Variants in NPAS3 observed in about 807,000 individuals in gnomAD.
The protein encoded by NPAS3 is neuronal PAS domain protein 3, also known as neuronal PAS domain-containing protein 3.
In NPAS3, 14 loss-of-function variants were observed where a neutral mutation model predicts 73.1. That is an observed-to-expected ratio of 0.19 (90% CI 0.13 to 0.30). The LOEUF is 0.30. Among genes scored for constraint, NPAS3 ranks in the 10% least tolerant of loss-of-function variants. The pLI, the probability that NPAS3 is intolerant of heterozygous loss-of-function variation, is 1.00. For synonymous variants in NPAS3, 620 were observed against 541.5 expected, an observed-to-expected ratio of 1.14 and a Z score of -2.01; for missense variants, 1,096 against 1,250.0, an observed-to-expected ratio of 0.88 and a Z score of 1.86.
intron 3 of NPAS3, among the ~76,000 whole-genome samples, chr14:33,358,555 G>T (rs950102985): frequency 9.2e-5 from 14 of 152,108 alleles, no homozygotes; most frequent in Non-Finnish European, 1.8e-4. Flanking sequence ...TCCGGTTCTG[G>T]TTCTGGCAGT....
At chr14:33,675,226 T>C (rs925136304) in intron 5 of NPAS3, among the ~76,000 whole-genome samples, 1 of 152,122 alleles carries the variant, frequency 6.6e-6, no homozygotes, top group African/African-American at 2.4e-5. Context: ...CTGTTGTATG[T>C]GCATGTAATG....
At chr14:33,759,806 G>A (rs773781894) in intron 7 of NPAS3, among the ~76,000 whole-genome samples, 2 of 152,118 alleles carry the variant, frequency 1.3e-5, no homozygotes, top group African/African-American at 2.4e-5. Context: ...CCTTTTAGAC[G>A]TGGATTAAAA....
In NPAS3 at chr14:33,252,380, C is replaced by T. The variant is rs79684974; in HGVS notation, c.385+36954C>T. ...GGGTAGATGTCTTCTCTAGGTTTGA[C>T]TGGTTTGTGTCTATTCATATGTGTG... On this transcript the variant is annotated intron_variant, in intron 3 of 11. Transcript: ENST00000356141. Among the ~76,000 whole-genome samples, 14 of 151,950 alleles carry T rather than the reference C, an allele frequency of 9.2e-5. No homozygotes were observed. In the East Asian group the frequency reaches 2.7e-3, roughly 29 times the overall value.
Position 33,178,070 on chromosome 14 carries a change from A to ATTTTTTTTTTTTTTTTTT in NPAS3, c.141-37104_141-37103insTTTTTTTTTTTTTTTTTT, listed in dbSNP as rs780708461. On this transcript the variant is annotated intron_variant, in intron 2 of 11. Transcript: ENST00000356141. ...GGAATTTTGATAGGCATTGAAGTGA[A>ATTTTTTTTTTTTTTTTTT]TTTTTTTTGTTTTTTTTTTTTTGGA... Among the ~76,000 whole-genome samples the ATTTTTTTTTTTTTTTTTT allele has an allele frequency of 3.2e-5, 4 of 123,868 alleles. 2 individuals are homozygous for ATTTTTTTTTTTTTTTTTT. Among genetic ancestry groups the ATTTTTTTTTTTTTTTTTT allele is most frequent in the Non-Finnish European group, 3.3e-5 (2 of 60,560 alleles). The allele number at this position is 123,868 out of a possible 152,430, so 81.3% of individuals were successfully genotyped here.
intron 2 of NPAS3, among the ~76,000 whole-genome samples, chr14:33,123,394 G>T (rs1877361433): frequency 6.6e-6 from 1 of 152,082 alleles, no homozygotes; most frequent in Non-Finnish European, 1.5e-5. Context: ...ACTTGACTAG[G>T]AGTTGGGGTG....
intron 5 of NPAS3, among the ~76,000 whole-genome samples, chr14:33,607,113 C>T (rs1430650840): frequency 6.6e-6 from 1 of 152,066 alleles, no homozygotes; most frequent in Non-Finnish European, 1.5e-5. Flanking sequence ...AATAGTTTAG[C>T]AATTTTCTTA....
intron 4 of NPAS3, among the ~76,000 whole-genome samples, chr14:33,469,713 C>G (rs1207247243): frequency 2.6e-5 from 4 of 152,070 alleles, no homozygotes; most frequent in Admixed American, 2.6e-4. Flanking sequence ...CATTCCTGTT[C>G]TGAACACTCT....
chr14:33,476,019 C>G (rs17101325), intron 4 of NPAS3, among the ~76,000 whole-genome samples: 25,646 of 152,162 alleles, frequency 0.17, 2,382 homozygotes, highest in African/African-American at 0.24. Context: ...TGCGCTTTCC[C>G]TGGTGAAGAA....
chr14:33,661,752 T>C (rs769007492), intron 5 of NPAS3, among the ~76,000 whole-genome samples: 1 of 152,248 alleles, frequency 6.6e-6, no homozygotes, highest in South Asian at 2.1e-4. Flanking sequence ...TTATTACATA[T>C]TCATTTTCAA....
chr14:33,054,961 A>T lies in NPAS3; in HGVS notation c.51-944A>T, dbSNP rs113801193. Reference sequence around the variant, plus strand: ...ATGATCCATCACATGTTTTTAATTAATAATTAAGAAGATATTAAGTATCTA... The same window carrying T: ...ATGATCCATCACATGTTTTTAATTATTAATTAAGAAGATATTAAGTATCTA... On this transcript the variant is annotated intron_variant, in intron 1 of 11. Transcript: ENST00000356141. Among the ~76,000 whole-genome samples, 107 of 152,216 alleles carry T rather than the reference A, an allele frequency of 7.0e-4. 1 individual carries two copies. The highest frequency in any genetic ancestry group is 2.4e-3 in the African/African-American group (101 of 41,516).
intron 7 of NPAS3, among the ~76,000 whole-genome samples, chr14:33,736,664 A>G (rs1239611095): frequency 5.9e-5 from 9 of 152,168 alleles, no homozygotes; most frequent in African/African-American, 2.2e-4. Flanking sequence ...TTAATGCTAG[A>G]AAGACACATT....
chr14:32,966,463 T>C (rs1595108505), intron 1 of NPAS3, among the ~76,000 whole-genome samples: 1 of 152,254 alleles, frequency 6.6e-6, no homozygotes, highest in East Asian at 1.9e-4. Flanking sequence ...GACAATCTCT[T>C]CAGGAAATGG....
At chr14:33,234,990 G>A (rs1398088743) in intron 3 of NPAS3, among the ~76,000 whole-genome samples, 1 of 151,932 alleles carries the variant, frequency 6.6e-6, no homozygotes. Flanking sequence ...CATTTAAATT[G>A]TATGTTACAA....
At chr14:33,566,420 G>A (rs1333201816) in intron 5 of NPAS3, among the ~76,000 whole-genome samples, 12 of 152,094 alleles carry the variant, frequency 7.9e-5, no homozygotes, top group Admixed American at 7.9e-4. Context: ...GTTCGATCCA[G>A]ATATTGAACT....
intron 1 of NPAS3, among the ~76,000 whole-genome samples, chr14:33,032,063 A>G (rs1245859586): frequency 6.6e-6 from 1 of 152,254 alleles, no homozygotes; most frequent in African/African-American, 2.4e-5. Context: ...GAAGGAGACT[A>G]TGATAAAGTC....
chr14:33,580,942 A>G (rs1242681731), intron 5 of NPAS3, among the ~76,000 whole-genome samples: 1 of 152,192 alleles, frequency 6.6e-6, no homozygotes, highest in Non-Finnish European at 1.5e-5. Context: ...TCTAAACCCA[A>G]GTATTCATCC....
intron 11 of NPAS3, among the ~76,000 whole-genome samples, chr14:33,799,088 T>G (rs896305165): frequency 6.6e-6 from 1 of 151,710 alleles, no homozygotes; most frequent in Non-Finnish European, 1.5e-5. Context: ...AAGGTTGCAG[T>G]GAGCAGTGAC....
intron 4 of NPAS3, among the ~76,000 whole-genome samples, chr14:33,384,775 A>T (rs1052441661): frequency 2.6e-5 from 4 of 152,212 alleles, no homozygotes; most frequent in African/African-American, 9.7e-5. Context: ...ATTTTTATTT[A>T]AATCTTTTAT....
In NPAS3 at chr14:33,440,128, A is replaced by AAG. The variant is rs572408800; in HGVS notation, c.468+72861_468+72862insGA. On this transcript the variant is annotated intron_variant, in intron 4 of 11. Coordinates refer to ENST00000356141, the Ensembl canonical transcript of NPAS3. ...GACAGTCTGTCTCAAAAAAAAAAAA[A>AAG]AAAGAAAAAAGACCATTGTGGGAGA... Among the ~76,000 whole-genome samples the AAG allele has an allele frequency of 2.7e-3, 408 of 151,956 alleles. 1 individual carries two copies. The highest frequency in any genetic ancestry group is 0.01 in the Middle Eastern group (3 of 294).
Sources: allele counts gnomAD v4.1 joint callset (sites outside exome capture counted in the v4.1 genomes callset), GRCh38; gene constraint gnomAD v4.1.1; transcripts MANE v1.5; gene names NCBI Gene and HGNC (gene_info 2026-07-23, HGNC 2026-07-21).